The following ZEB1 variants were observed in gnomAD, a reference collection of about 807,000 sequenced individuals.
The protein encoded by ZEB1 is zinc finger E-box binding homeobox 1.
ZEB1 carries 21 observed loss-of-function variants against 84.9 expected under a neutral mutation model. The observed-to-expected ratio is 0.25, with a 90% CI of 0.18 to 0.36. The LOEUF (loss-of-function observed/expected upper bound fraction) is 0.36, where lower values mean the gene tolerates loss of function less well. ZEB1 is among the 10% of genes least tolerant of loss of function. The probability of loss-of-function intolerance (pLI) is 1.00; values close to 1 mark genes in which losing one functional copy is unlikely to be tolerated. For synonymous variants in ZEB1, 420 were observed against 471.1 expected, an observed-to-expected ratio of 0.89 and a Z score of 1.41; for missense variants, 1,104 against 1,330.2, an observed-to-expected ratio of 0.83 and a Z score of 2.65.
intron 3 of ZEB1, among the ~76,000 whole-genome samples, chr10:31,500,365 A>C (rs989706335): frequency 6.6e-6 from 1 of 152,132 alleles, no homozygotes; most frequent in Non-Finnish European, 1.5e-5. Flanking sequence ...AGTCTCCTGA[A>C]AAGCAATGAA....
intron 1 of ZEB1, among the ~76,000 whole-genome samples, chr10:31,382,006 C>CA (rs535534850): frequency 0.12 from 4,894 of 40,466 alleles, 902 homozygotes; most frequent in Non-Finnish European, 0.33. Flanking sequence ...GAGACTGTCT[C>CA]AAAAAAAAAA....
chr10:31,383,820 A>G (rs1048514673), intron 1 of ZEB1, among the ~76,000 whole-genome samples: 12 of 152,124 alleles, frequency 7.9e-5, no homozygotes, highest in African/African-American at 2.9e-4. Flanking sequence ...AGAACTGGTA[A>G]AAGGAATATA....
chr10:31,364,693 A>G (rs2044116772), intron 1 of ZEB1, among the ~76,000 whole-genome samples: 2 of 152,264 alleles, frequency 1.3e-5, no homozygotes, highest in South Asian at 4.1e-4. Context: ...CACTTTTTAC[A>G]AATTTGCCTG....
chr10:31,448,949 A>G (rs1404517206), intron 1 of ZEB1, among the ~76,000 whole-genome samples: 1 of 152,140 alleles, frequency 6.6e-6, no homozygotes, highest in Non-Finnish European at 1.5e-5. Context: ...ACCCAGTTGG[A>G]GCTTCCTGGC....
chr10:31,330,479 G>A (rs2036507961), intron 1 of ZEB1, among the ~76,000 whole-genome samples: 1 of 152,176 alleles, frequency 6.6e-6, no homozygotes, highest in South Asian at 2.1e-4. Flanking sequence ...AGGGGAATGC[G>A]AGTGTTGTCT....
chr10:31,426,785 T>C (rs2056986245), intron 1 of ZEB1, among the ~76,000 whole-genome samples: 1 of 152,180 alleles, frequency 6.6e-6, no homozygotes, highest in Non-Finnish European at 1.5e-5. Context: ...AAGGCAAGAT[T>C]ATATAACATA....
At chr10:31,498,983 GATGAA>G (rs762973632) in intron 3 of ZEB1, among the ~76,000 whole-genome samples, 3 of 151,874 alleles carry the variant, frequency 2.0e-5, no homozygotes, top group Non-Finnish European at 4.4e-5. Context: ...CAAATAAAAA[GATGAA>G]ATAAAATTTT....
intron 1 of ZEB1, among the ~76,000 whole-genome samples, chr10:31,369,280 T>C (rs1358878718): frequency 6.6e-6 from 1 of 152,208 alleles, no homozygotes; most frequent in Non-Finnish European, 1.5e-5. Context: ...TTGACTCTCG[T>C]CAACTTGCTA....
At chr10:31,374,030 T>C (rs575110492) in intron 1 of ZEB1, among the ~76,000 whole-genome samples, 1 of 151,886 alleles carries the variant, frequency 6.6e-6, no homozygotes, top group East Asian at 1.9e-4. Flanking sequence ...GGTAGGATCT[T>C]AGCAAGTTTG....
rs1360203247 is a variant in ZEB1 at position 31,502,430 on chromosome 10, C to T, written c.405C>T (p.Asp135=). 25 of 1,613,748 alleles carry T rather than the reference C, an allele frequency of 1.5e-5. No individual in the cohort carries two copies. The highest frequency in any genetic ancestry group is 1.9e-5 in the Non-Finnish European group (23 of 1,179,858). Residue 135 remains aspartate (D), a synonymous_variant, in exon 4 of 9, where the codon GAC becomes GAT. Coordinates refer to ENST00000424869, the MANE Select transcript of ZEB1 (RefSeq NM_001174096.2). The stretch of plus-strand genomic sequence containing the variant: ...TTGAAGAGTTTCTACAACAACAAGA[C>T]ACTGCTGTCATTTTTCCTGAGGCAC... The part of the protein sequence containing the change: ...PNVEEFLQQQ[D]TAVIFPEAPE...
In ZEB1 at chr10:31,521,724, G is replaced by T; in HGVS notation, c.2392G>T (p.Ala798Ser). Residue 798 changes from alanine (A) to serine (S), a missense_variant, in exon 7 of 9, where the codon GCC (alanine) becomes TCC (serine). By Grantham distance (99) the Ala-to-Ser change is moderately conservative. Coordinates refer to ENST00000424869, the MANE Select transcript of ZEB1 (RefSeq NM_001174096.2). ...EPVVNVIPPS[A>S]NPINIAIPTV... The stretch of plus-strand genomic sequence containing the variant: ...AGTTGTAAATGTAATCCCACCAAGT[G>T]CCAACCCCATAAATATCGCTATACC... 6.2e-7 allele frequency: 1 copy of T among 1,614,104 alleles called. No individual in the cohort carries two copies. The highest frequency in any genetic ancestry group is 8.5e-7 in the Non-Finnish European group (1 of 1,180,004).
intron 8 of ZEB1, among the ~76,000 whole-genome samples, chr10:31,524,808 T>G (rs2073106721): frequency 6.6e-6 from 1 of 152,206 alleles, no homozygotes; most frequent in African/African-American, 2.4e-5. Context: ...AAGAAAAAGC[T>G]GCTTCATAAG....
intron 1 of ZEB1, among the ~76,000 whole-genome samples, chr10:31,447,910 G>A (rs1301494667): frequency 2.0e-5 from 3 of 152,096 alleles, no homozygotes; most frequent in African/African-American, 4.8e-5. Context: ...CTCTTCTTGA[G>A]GAGTATCTTT....
intron 1 of ZEB1, among the ~76,000 whole-genome samples, chr10:31,419,400 T>G (rs1479539736): frequency 6.6e-6 from 1 of 152,094 alleles, no homozygotes; most frequent in Non-Finnish European, 1.5e-5. Flanking sequence ...ATCAAAAGGT[T>G]TTGAATAGTG....
At chr10:31,318,829 T>G (rs145671608), upstream of ZEB1, 1 of 339,924 alleles carries the variant, frequency 2.9e-6, no homozygotes, top group Non-Finnish European at 5.8e-6. Context: ...GATCCCTCCC[T>G]GCCCCGGGCA....
chr10:31,321,533 G>A (rs749222286), intron 1 of ZEB1: 19 of 1,613,912 alleles, frequency 1.2e-5, no homozygotes, highest in Admixed American at 8.3e-5. Flanking sequence ...TTTATGAAAG[G>A]TAAGTTGGTT....
chr10:31,442,934 G>A (rs759077751), intron 1 of ZEB1, among the ~76,000 whole-genome samples: 1 of 152,124 alleles, frequency 6.6e-6, no homozygotes, highest in Non-Finnish European at 1.5e-5. Context: ...AAACAAATTA[G>A]AGACACATGT....
At chr10:31,484,805 T>C (rs996237679) in intron 2 of ZEB1, among the ~76,000 whole-genome samples, 2 of 152,016 alleles carry the variant, frequency 1.3e-5, no homozygotes, top group African/African-American at 2.4e-5. Context: ...TTTTACTCAT[T>C]ATCACTATTG....
At chr10:31,475,127 G>T (rs1273548715) in intron 2 of ZEB1, among the ~76,000 whole-genome samples, 2 of 151,742 alleles carry the variant, frequency 1.3e-5, no homozygotes, top group Non-Finnish European at 2.9e-5. Context: ...GAGTTAGTGG[G>T]TGCAGTGCAC....
Sources: gnomAD v4.1 joint callset for allele counts (sites outside exome capture counted in the v4.1 genomes callset) on GRCh38, gnomAD v4.1.1 for gene constraint, MANE v1.5 for transcripts, NCBI Gene and HGNC (gene_info 2026-07-23, HGNC 2026-07-21) for gene names.